DTL: variants seen among roughly 807,000 people sequenced by gnomAD.
The protein encoded by DTL is denticleless E3 ubiquitin protein ligase adapter, also known as denticleless protein homolog.
Under a neutral mutation model 87.0 loss-of-function variants are expected in DTL, and 46 were observed. That is an observed-to-expected ratio of 0.53 (90% CI 0.42 to 0.68). The LOEUF (loss-of-function observed/expected upper bound fraction) is 0.68. Among genes scored for constraint, DTL ranks in the 30% least tolerant of loss-of-function variants. The pLI, the probability that DTL is intolerant of heterozygous loss-of-function variation, is 0.00. For missense variants in DTL, 737 were observed against 869.4 expected, an observed-to-expected ratio of 0.85 and a Z score of 1.91; for synonymous variants, 308 against 311.2, an observed-to-expected ratio of 0.99 and a Z score of 0.11.
At chr1:212,044,222 C>T (rs1186555437) in intron 2 of DTL, among the ~76,000 whole-genome samples, 1 of 152,190 alleles carries the variant, frequency 6.6e-6, no homozygotes, top group South Asian at 2.1e-4. Flanking sequence ...TTGGCCAGTA[C>T]CACTCTTGTT....
At chr1:212,039,766 T>C (rs1300563429) in intron 1 of DTL, among the ~76,000 whole-genome samples, 1 of 152,140 alleles carries the variant, frequency 6.6e-6, no homozygotes, top group Non-Finnish European at 1.5e-5. Context: ...TGTAACACAA[T>C]GGTAAGTATT....
rs528601987 is a variant in DTL, at chr1:212,101,460, T to C, written c.2094+376T>C. Among the ~76,000 whole-genome samples, 7 of 152,310 alleles carry C rather than the reference T, an allele frequency of 4.6e-5. No homozygotes were observed. In the South Asian group the frequency reaches 1.2e-3, roughly 27 times the overall value. On this transcript the variant is annotated intron_variant, in intron 14 of 14. Coordinates refer to ENST00000366991, the MANE Select transcript of DTL (RefSeq NM_016448.4). ...CAATTCAAAAATATCTCCCCTCTCCTGTTAGACAGTATGCCATCCTCTTTT... is the reference window on the plus strand; with the variant it reads ...CAATTCAAAAATATCTCCCCTCTCCCGTTAGACAGTATGCCATCCTCTTTT...
At position 212,078,179 on chromosome 1, in the gene DTL, A is replaced by G. The variant is rs754564202; in HGVS notation, c.1042A>G (p.Thr348Ala). 1 of 1,607,478 alleles carries G rather than the reference A, an allele frequency of 6.2e-7. No homozygotes were observed. The highest frequency in any genetic ancestry group is 1.1e-5 in the South Asian group (1 of 90,930). ...DEAAYIWKVSTPWQPPTVLLG... is the reference protein window; with the variant it reads ...DEAAYIWKVSAPWQPPTVLLG... ...TTGTTTTTGATTGGACTAGGTCTCC[A>G]CACCCTGGCAACCTCCTACTGTGCT... is the stretch of plus-strand genomic sequence containing the variant. Residue 348 changes from threonine to alanine, a missense_variant, in exon 12 of 15, where the codon ACA becomes GCA. By Grantham distance (58) the Thr-to-Ala change is moderately conservative (BLOSUM62 0). Transcript: ENST00000366991.
At chr1:212,070,124 C>G (rs1269521174) in intron 10 of DTL, among the ~76,000 whole-genome samples, 1 of 152,090 alleles carries the variant, frequency 6.6e-6, no homozygotes, top group Non-Finnish European at 1.5e-5. Context: ...AAAGCGTGAT[C>G]CTGATTATAT....
intron 7 of DTL, among the ~76,000 whole-genome samples, chr1:212,065,794 C>T (rs1315100108): frequency 6.6e-6 from 1 of 152,198 alleles, no homozygotes; most frequent in Admixed American, 6.5e-5. Flanking sequence ...CAAGCACCGC[C>T]TCCCAGGTTC....
At chr1:212,072,910 C>T (rs749090949) in intron 11 of DTL, among the ~76,000 whole-genome samples, 1 of 151,926 alleles carries the variant, frequency 6.6e-6, no homozygotes, top group Non-Finnish European at 1.5e-5. Context: ...ACTACAGGTG[C>T]CTGCCACCAC....
intron 13 of DTL, among the ~76,000 whole-genome samples, chr1:212,090,650 G>C (rs1052875546): frequency 6.6e-6 from 1 of 152,160 alleles, no homozygotes; most frequent in Admixed American, 6.5e-5. Context: ...CAAAGGGACA[G>C]GTACACATAC....
chr1:212,091,739 C>T (rs887981181), intron 13 of DTL, among the ~76,000 whole-genome samples: 10 of 152,106 alleles, frequency 6.6e-5, no homozygotes, highest in African/African-American at 2.4e-4. Flanking sequence ...AAAAGTTGAA[C>T]TCATAGGAGC....
intron 13 of DTL, among the ~76,000 whole-genome samples, chr1:212,083,044 G>T (rs529221070): frequency 6.6e-6 from 1 of 152,264 alleles, no homozygotes; most frequent in South Asian, 2.1e-4. Context: ...ACCTTGGTAA[G>T]GAGGCATATT....
At position 212,088,723 on chromosome 1, in the gene DTL, C is replaced by T. The variant is rs145894340; in HGVS notation, c.1261+7973C>T. On this transcript the variant is annotated intron_variant, in intron 13 of 14. Coordinates refer to ENST00000366991, the MANE Select transcript of DTL (RefSeq NM_016448.4). Reference sequence around the variant, plus strand: ...GGAAGCAACTAGTAGTGTCCTGTAACGTGATCCTAGAATAGCAAAGTACAT... The same window carrying T: ...GGAAGCAACTAGTAGTGTCCTGTAATGTGATCCTAGAATAGCAAAGTACAT... Among the ~76,000 whole-genome samples, 181 of 152,314 alleles carry T rather than the reference C, an allele frequency of 1.2e-3. No homozygotes were observed. In the East Asian group the frequency reaches 0.019, roughly 16 times the overall value.
intron 5 of DTL, among the ~76,000 whole-genome samples, chr1:212,048,268 C>A (rs2102531569): frequency 6.6e-6 from 1 of 152,270 alleles, no homozygotes; most frequent in South Asian, 2.1e-4. Flanking sequence ...CAGCTCACTG[C>A]AGCCTCCATC....
At chr1:212,102,755 C>A in intron 14 of DTL, 87 bp from the exon 15 acceptor site, 1 of 869,840 alleles carries the variant, frequency 1.1e-6, no homozygotes, top group East Asian at 2.5e-5. Flanking sequence ...AAATTTCTGG[C>A]AGCCTAATTT....
chr1:212,072,760 C>CTTT (rs368207666), intron 11 of DTL, among the ~76,000 whole-genome samples: 21 of 124,758 alleles, frequency 1.7e-4, no homozygotes, highest in South Asian at 2.6e-4. Context: ...ATTTACTAAT[C>CTTT]TTTTTTTTTT....
chr1:212,068,255 T>C lies in DTL; in HGVS notation c.745T>C (p.Tyr249His). 6.2e-7 allele frequency: 1 copy of C among 1,609,958 alleles called. No individual in the cohort carries two copies. Among genetic ancestry groups the C allele is most frequent in the Non-Finnish European group, 8.5e-7 (1 of 1,178,824 alleles). Reference protein sequence around the residue: ...IIKVWDLRKNYTAYRQEPIAS... With the variant: ...IIKVWDLRKNHTAYRQEPIAS... ...CAAAGTATGGGATTTACGTAAGAAT[T>C]ATACTGCTTATCGACAAGAACCCAT... The change falls in exon 9 of 15, where the codon TAT becomes CAT. Residue 249 changes from tyrosine to histidine, a missense_variant. Tyr to His is a moderately conservative substitution (Grantham distance 83, BLOSUM62 2). Coordinates refer to ENST00000366991, the MANE Select transcript of DTL (RefSeq NM_016448.4).
rs1571987841 is a variant in DTL, at chr1:212,100,511, A to G, written c.1521A>G (p.Arg507=). 1.2e-6 allele frequency: 2 copies of G among 1,613,862 alleles called. No individual in the cohort carries two copies. The highest frequency in any genetic ancestry group is 1.7e-6 in the Non-Finnish European group (2 of 1,180,008). Residue 507 remains arginine, a synonymous_variant, in exon 14 of 15, where the codon CGA becomes CGG. Coordinates refer to ENST00000366991, the MANE Select transcript of DTL (RefSeq NM_016448.4). ...TGTCGATTAGAAACTGGGTGACCCG[A>G]ACACCTTCCTCATCACCACCCATCA... is the stretch of plus-strand genomic sequence containing the variant. ...FKMSIRNWVT[R]TPSSSPPITP...
At chr1:212,084,971 C>T (rs557890329) in intron 13 of DTL, among the ~76,000 whole-genome samples, 14 of 152,238 alleles carry the variant, frequency 9.2e-5, no homozygotes, top group Non-Finnish European at 1.8e-4. Flanking sequence ...TACATTTTCC[C>T]ATATACTTTT....
rs542652778 is a variant in DTL, at chr1:212,080,635, C to A, written c.1146C>A (p.Asp382Glu). 6.2e-7 allele frequency: 1 copy of A among 1,613,354 alleles called. No homozygotes were observed. Among genetic ancestry groups the A allele is most frequent in the African/African-American group, 1.3e-5 (1 of 74,972 alleles). ...CTTAGATTGCTACCTGTTCTGATGA[C>A]AATACACTAAAAATCTGGCGCTTGA... ...DFTKIATCSD[D>E]NTLKIWRLNR... The change falls in exon 13 of 15, where the codon GAC (aspartate) becomes GAA (glutamate). Residue 382 changes from aspartate (D) to glutamate (E), a missense_variant. Physicochemically the swap from Asp to Glu is conservative, Grantham distance 45 (BLOSUM62 2). Coordinates refer to ENST00000366991, the MANE Select transcript of DTL (RefSeq NM_016448.4).
Position 212,044,708 on chromosome 1 carries a change from T to TTCGATTGTATAACACAGAATCTGC in DTL, c.248_249insTGCTCGATTGTATAACACAGAATC (p.Ser83_Gln84insAlaArgLeuTyrAsnThrGluSer). On this transcript the variant is annotated inframe_insertion, in exon 3 of 15. Coordinates refer to ENST00000366991, the MANE Select transcript of DTL (RefSeq NM_016448.4). ...GCAGTTGCCAATGAAGAAGGCTTTG[T>TTCGATTGTATAACACAGAATCTGC]TCGATTGTATAACACAGAATCACAA... 6.2e-7 allele frequency: 1 copy of TTCGATTGTATAACACAGAATCTGC among 1,613,670 alleles called. No individual in the cohort carries two copies. Among genetic ancestry groups the TTCGATTGTATAACACAGAATCTGC allele is most frequent in the East Asian group, 2.2e-5 (1 of 44,862 alleles).
rs1655701491 is a variant in DTL at position 212,104,023 on chromosome 1, G to C, written c.*1083G>C. ...GAATTTTCTCTAGATATTTAATACAGAGAGTGTATAGACTGACTCTAAGTT... is the reference window on the plus strand; with the variant it reads ...GAATTTTCTCTAGATATTTAATACACAGAGTGTATAGACTGACTCTAAGTT... On this transcript the variant is annotated 3_prime_UTR_variant, in exon 15 of 15. Transcript: ENST00000366991. 1 of 152,164 alleles carries C rather than the reference G, an allele frequency of 6.6e-6. No homozygotes were observed. The highest frequency in any genetic ancestry group is 2.4e-5 in the African/African-American group (1 of 41,444). 9.4% of individuals were successfully genotyped at this position (152,164 alleles called of 1,614,324 possible).
Sources: gnomAD v4.1 joint callset for allele counts (sites outside exome capture counted in the v4.1 genomes callset) on GRCh38, gnomAD v4.1.1 for gene constraint, MANE v1.5 for transcripts, NCBI Gene and HGNC (gene_info 2026-07-23, HGNC 2026-07-21) for gene names.